The following ZNF365 variants were observed in gnomAD, a reference collection of about 807,000 sequenced individuals.
ZNF365 encodes the protein zinc finger protein 365, also known as protein ZNF365.
ZNF365 carries 22 observed loss-of-function variants against 35.0 expected under a neutral mutation model. The observed-to-expected ratio is 0.63, with a 90% CI of 0.45 to 0.90. The LOEUF (loss-of-function observed/expected upper bound fraction) is 0.90, where lower values mean the gene tolerates loss of function less well. Among genes scored for constraint, ZNF365 ranks in the 40% least tolerant of loss-of-function variants. ZNF365 has a pLI of 0.00. For synonymous variants in ZNF365, 188 were observed against 196.2 expected (o/e 0.96, Z 0.35); for missense variants, 448 against 500.3 (o/e 0.90, Z 1.00).
chr10:62,407,199 G>A (rs1839918212), downstream of ZNF365, among the ~76,000 whole-genome samples: 1 of 152,246 alleles, frequency 6.6e-6, no homozygotes, highest in South Asian at 2.1e-4. Flanking sequence ...AACCAAGCTG[G>A]CAGCACTGTC....
chr10:62,388,417 T>C lies in ZNF365; in HGVS notation c.765T>C (p.His255=). 1 of 1,614,236 alleles carries C rather than the reference T, an allele frequency of 6.2e-7. No homozygotes were observed. Among genetic ancestry groups the C allele is most frequent in the Non-Finnish European group, 8.5e-7 (1 of 1,180,044 alleles). Residue 255 remains histidine (H), a synonymous_variant, in exon 3 of 5, where the codon CAT becomes CAC. Coordinates refer to ENST00000395254, the MANE Select transcript of ZNF365 (RefSeq NM_014951.3). ...RKEEEVVTFN[H]FLEAAAEKEV... is the part of the protein sequence containing the mutation. Reference sequence around the variant, plus strand: ...GCAGAGAAGTTGTCACATTCAACCATTTCCTGGAAGCGGCAGCTGAGAAGG... The same window carrying C: ...GCAGAGAAGTTGTCACATTCAACCACTTCCTGGAAGCGGCAGCTGAGAAGG...
At chr10:62,442,325 T>C (rs1423153132) in intron 3 of ZNF365, among the ~76,000 whole-genome samples, 2 of 152,200 alleles carry the variant, frequency 1.3e-5, no homozygotes, top group East Asian at 1.9e-4. Context: ...CCCTGCTAAA[T>C]TGAATGCTCA....
chr10:62,423,036 C>T (rs1411003440), intron 3 of ZNF365, among the ~76,000 whole-genome samples: 1 of 152,090 alleles, frequency 6.6e-6, no homozygotes, highest in Non-Finnish European at 1.5e-5. Flanking sequence ...GTGTTGGCAC[C>T]AGCTAGGGGG....
At chr10:62,479,416 C>G (rs891535768) in intron 4 of ZNF365, among the ~76,000 whole-genome samples, 1 of 152,138 alleles carries the variant, frequency 6.6e-6, no homozygotes, top group Non-Finnish European at 1.5e-5. Flanking sequence ...ACATAGCTGA[C>G]AAAGGTAGGA....
chr10:62,452,757 T>A (rs1277674493), intron 3 of ZNF365, among the ~76,000 whole-genome samples: 1 of 152,264 alleles, frequency 6.6e-6, no homozygotes, highest in African/African-American at 2.4e-5. Flanking sequence ...TTTTATTCTC[T>A]TGTATCTTTG....
At chr10:62,464,701 C>T (rs542166095) in intron 4 of ZNF365, among the ~76,000 whole-genome samples, 6 of 152,314 alleles carry the variant, frequency 3.9e-5, no homozygotes, top group Middle Eastern at 6.8e-3. Context: ...TTTTTTATTT[C>T]CTGGCAAAGA....
intron 3 of ZNF365, among the ~76,000 whole-genome samples, chr10:62,411,523 A>C (rs1839984811): frequency 6.6e-6 from 1 of 152,120 alleles, no homozygotes; most frequent in African/African-American, 2.4e-5. Flanking sequence ...GGCACTATTT[A>C]TTAAATAGGG....
In ZNF365 at chr10:62,376,890, AGGCAACGCCTGAC is replaced by A; in HGVS notation, c.700_712del (p.Gln234AsnfsTer45). 2 of 1,614,034 alleles carry A rather than the reference AGGCAACGCCTGAC, an allele frequency of 1.2e-6. No individual in the cohort carries two copies. Among genetic ancestry groups the A allele is most frequent in the Non-Finnish European group, 1.7e-6 (2 of 1,179,946 alleles). On this transcript the variant is annotated frameshift_variant, in exon 2 of 5. Transcript: ENST00000395254. LOFTEE classifies it high-confidence loss of function. ...GGCCGTGGAAATGATAGCTGTACTG[AGGCAACGCCTGAC>A]GGAATCTGAGGAGGAGCTTCTTAGG...
chr10:62,409,881 G>A (rs750956334), intron 3 of ZNF365, among the ~76,000 whole-genome samples: 1 of 152,062 alleles, frequency 6.6e-6, no homozygotes, highest in African/African-American at 2.4e-5. Flanking sequence ...GATATATATG[G>A]GGGTAGCTGG....
In ZNF365 at chr10:62,401,949, C is replaced by G; in HGVS notation, c.*2160C>G. ...TTTTACGTTCCCACTAAATTTTGAC[C>G]CCATATAAAGAAATGTGTTATGTAT... On this transcript the variant is annotated 3_prime_UTR_variant, in exon 5 of 5. Transcript: ENST00000395254. 1 of 985,230 alleles carries G rather than the reference C, an allele frequency of 1.0e-6. No homozygotes were observed. The highest frequency in any genetic ancestry group is 1.2e-6 in the Non-Finnish European group (1 of 829,848). 61.0% of individuals were successfully genotyped at this position (985,230 alleles called of 1,614,324 possible). A position where few individuals can be genotyped will look rare whatever the true frequency, so the allele number is the denominator to read the frequency against.
chr10:62,400,381 TTC>T lies in ZNF365; in HGVS notation c.*593_*594del. 1.0e-6 allele frequency: 1 copy of T among 986,240 alleles called. No homozygotes were observed. Among genetic ancestry groups the T allele is most frequent in the Non-Finnish European group, 1.2e-6 (1 of 830,106 alleles). 61.1% of individuals were successfully genotyped at this position (986,240 alleles called of 1,614,324 possible). A position where few individuals can be genotyped will look rare whatever the true frequency, so the allele number is the denominator to read the frequency against. Reference sequence around the variant, plus strand: ...TCGTTCAGTCAGACTTCAGTTCTCATTCCGACAGGGTGTCTTTCAGTTCGTTT... The same window carrying T: ...TCGTTCAGTCAGACTTCAGTTCTCATCGACAGGGTGTCTTTCAGTTCGTTT... On this transcript the variant is annotated 3_prime_UTR_variant, in exon 5 of 5. Coordinates refer to ENST00000395254, the MANE Select transcript of ZNF365 (RefSeq NM_014951.3).
At chr10:62,397,826 G>A (rs560028399) in intron 3 of ZNF365, among the ~76,000 whole-genome samples, 6 of 152,272 alleles carry the variant, frequency 3.9e-5, no homozygotes, top group African/African-American at 1.2e-4. Context: ...CTATAGATTA[G>A]CTGCAAATAC....
At chr10:62,438,779 C>A (rs1008175829) in intron 3 of ZNF365, among the ~76,000 whole-genome samples, 2 of 152,120 alleles carry the variant, frequency 1.3e-5, no homozygotes, top group African/African-American at 4.8e-5. Flanking sequence ...CATTTCGGTG[C>A]CTTTGAAGCT....
In ZNF365 at chr10:62,400,127, G is replaced by T; in HGVS notation, c.*338G>T. The T allele has an allele frequency of 9.5e-7, 1 of 1,051,866 alleles. No homozygotes were observed. The highest frequency in any genetic ancestry group is 1.1e-6 in the Non-Finnish European group (1 of 870,778). 65.2% of individuals were successfully genotyped at this position (1,051,866 alleles called of 1,614,324 possible). ...GTGGTCACTAATTTTCAGGACCAAG[G>T]CCACACAAAATGTCAGGCCTAGGGA... On this transcript the variant is annotated 3_prime_UTR_variant, in exon 5 of 5. Coordinates refer to ENST00000395254, the MANE Select transcript of ZNF365 (RefSeq NM_014951.3).
chr10:62,478,300 G>A (rs1330638957), intron 4 of ZNF365, among the ~76,000 whole-genome samples: 2 of 152,200 alleles, frequency 1.3e-5, no homozygotes, highest in African/African-American at 4.8e-5. Context: ...ACCAGTCTCT[G>A]TTGATTCTGA....
At position 62,400,221 on chromosome 10, in the gene ZNF365, T is replaced by C. The variant is rs1839803719; in HGVS notation, c.*432T>C. Reference sequence around the variant, plus strand: ...GAATGGCAGTGTAAAGTTCTGTTAATAGCAGTAAAATGAAAATATTTGTGT... The same window carrying C: ...GAATGGCAGTGTAAAGTTCTGTTAACAGCAGTAAAATGAAAATATTTGTGT... On this transcript the variant is annotated 3_prime_UTR_variant, in exon 5 of 5. Coordinates refer to ENST00000395254, the MANE Select transcript of ZNF365 (RefSeq NM_014951.3). 1 of 992,832 alleles carries C rather than the reference T, an allele frequency of 1.0e-6. No homozygotes were observed. Among genetic ancestry groups the C allele is most frequent in the Non-Finnish European group, 1.2e-6 (1 of 834,118 alleles). 61.5% of individuals were successfully genotyped at this position (992,832 alleles called of 1,614,324 possible).
intron 4 of ZNF365, among the ~76,000 whole-genome samples, chr10:62,468,778 A>G (rs1023318573): frequency 6.6e-6 from 1 of 152,362 alleles, no homozygotes; most frequent in Middle Eastern, 3.4e-3. Flanking sequence ...AGCAGAAACA[A>G]TAGCCAACAC....
At chr10:62,434,767 G>A (rs1465075529) in intron 3 of ZNF365, among the ~76,000 whole-genome samples, 1 of 152,178 alleles carries the variant, frequency 6.6e-6, no homozygotes, top group African/African-American at 2.4e-5. Context: ...GCCTCCTTAA[G>A]CTGTTTTAAT....
At chr10:62,431,914 G>T (rs2138558) in intron 3 of ZNF365, among the ~76,000 whole-genome samples, 1 of 151,748 alleles carries the variant, frequency 6.6e-6, no homozygotes, top group Non-Finnish European at 1.5e-5. Flanking sequence ...GTGATATTGA[G>T]ATCCAAAACT....
Sources: allele counts gnomAD v4.1 joint callset (sites outside exome capture counted in the v4.1 genomes callset), GRCh38; gene constraint gnomAD v4.1.1; transcripts MANE v1.5; gene names NCBI Gene and HGNC (gene_info 2026-07-23, HGNC 2026-07-21).